MUC15: variants seen among roughly 807,000 people sequenced by gnomAD.
The protein encoded by MUC15 is mucin-15.
A neutral mutation model predicts 24.0 loss-of-function variants in MUC15; 23 were observed. That is an observed-to-expected ratio of 0.96 (90% CI 0.69 to 1.36). The LOEUF (loss-of-function observed/expected upper bound fraction) is 1.36. Among genes scored for constraint, MUC15 ranks in the 40% most tolerant of loss-of-function variants. The pLI is 0.00. For missense variants in MUC15, 442 were observed against 428.2 expected (o/e 1.03, Z -0.29); for synonymous variants, 151 against 156.3 (o/e 0.97, Z 0.25).
At chr11:26,568,467 C>T (rs1850684525) in intron 1 of MUC15, among the ~76,000 whole-genome samples, 1 of 68,556 alleles carries the variant, frequency 1.5e-5, no homozygotes, top group Admixed American at 1.5e-4. Flanking sequence ...CTTCTTCCTA[C>T]CATAGTTTTT....
chr11:26,565,263 G>A lies in MUC15; in HGVS notation c.677C>T (p.Thr226Ile). The change falls in exon 3 of 5, where the codon ACT becomes ATT. Residue 226 changes from threonine (T) to isoleucine (I), a missense_variant. Coordinates refer to ENST00000529533, the MANE Select transcript of MUC15 (RefSeq NM_001135091.2). ...TTTTTCTTGATAAGGGGTAAACCCA[G>A]TGAAGCTATCACTGTTTGTGGTAAG... ...GWLTTNSDSF[T>I]GFTPYQEKTT... 1 of 1,589,372 alleles carries A rather than the reference G, an allele frequency of 6.3e-7. No homozygotes were observed. Among genetic ancestry groups the A allele is most frequent in the Non-Finnish European group, 8.6e-7 (1 of 1,166,858 alleles).
intron 3 of MUC15, among the ~76,000 whole-genome samples, chr11:26,564,357 T>A (rs11029617): frequency 0.047 from 7,187 of 151,654 alleles, 212 homozygotes; most frequent in South Asian, 0.089. Flanking sequence ...GTATATATGA[T>A]TTGTTTTTTA....
Position 26,565,730 on chromosome 11 carries a change from T to G in MUC15, c.210A>C (p.Glu70Asp), listed in dbSNP as rs1312961225. ...QNIAEVFKTM[E>D]NKPISLESEA... ...CACTTTCCAAAGAAATAGGTTTATT[T>G]TCCATTGTTTTAAAAACTTCTGCAA... Residue 70 changes from glutamate to aspartate, a missense_variant, in exon 3 of 5, where the codon GAA becomes GAC. Physicochemically the swap from Glu to Asp is conservative, Grantham distance 45. Transcript: ENST00000529533. The G allele has an allele frequency of 6.2e-7, 1 of 1,605,936 alleles. No homozygotes were observed. Among genetic ancestry groups the G allele is most frequent in the Non-Finnish European group, 8.5e-7 (1 of 1,174,186 alleles).
rs1850528495 is a variant in MUC15, at chr11:26,565,375, C to A, written c.565G>T (p.Asp189Tyr). ...SLVNDTVKTPDNSSITVSILS... is the reference protein window; with the variant it reads ...SLVNDTVKTPYNSSITVSILS... Reference sequence around the variant, plus strand: ...ATGCTAACTGTAATGGAACTGTTATCAGGAGTTTTCACGGTGTCATTGACC... The same window carrying A: ...ATGCTAACTGTAATGGAACTGTTATAAGGAGTTTTCACGGTGTCATTGACC... Residue 189 changes from aspartate (D) to tyrosine (Y), a missense_variant, in exon 3 of 5, where the codon GAT (aspartate) becomes TAT (tyrosine). Coordinates refer to ENST00000529533, the MANE Select transcript of MUC15 (RefSeq NM_001135091.2). 6.2e-7 allele frequency: 1 copy of A among 1,613,034 alleles called. No homozygotes were observed. The highest frequency in any genetic ancestry group is 8.5e-7 in the Non-Finnish European group (1 of 1,179,430).
chr11:26,564,726 CACACACATATATATATATATAT>C (rs1352079320), intron 3 of MUC15, among the ~76,000 whole-genome samples: 106 of 49,306 alleles, frequency 2.1e-3, no homozygotes, highest in African/African-American at 7.8e-3. Flanking sequence ...CACACACACA[CACACACATATATATATATATAT>C]ATATATATAT....
chr11:26,563,067 T>C, intron 4 of MUC15, 49 bp downstream of exon 4: 1 of 1,591,508 alleles, frequency 6.3e-7, no homozygotes, highest in Non-Finnish European at 8.5e-7. Flanking sequence ...GGCATCCTCA[T>C]TTAATTAAAA....
chr11:26,566,262 A>T (rs902126440), intron 2 of MUC15, among the ~76,000 whole-genome samples: 16 of 152,022 alleles, frequency 1.1e-4, no homozygotes, highest in East Asian at 1.9e-4. Flanking sequence ...ATAACATTTT[A>T]AAAATATTGT....
intron 3 of MUC15, 25 bp from the exon 4 acceptor site, chr11:26,563,290 A>G: frequency 6.4e-7 from 1 of 1,564,030 alleles, no homozygotes; most frequent in Non-Finnish European, 8.6e-7. Flanking sequence ...AAATTTAAAG[A>G]AATATAAAAT....
intron 1 of MUC15, among the ~76,000 whole-genome samples, chr11:26,568,492 CT>C (rs1462883302): frequency 2.6e-5 from 4 of 151,346 alleles, no homozygotes; most frequent in African/African-American, 9.7e-5. Flanking sequence ...TTAATACAGC[CT>C]CTCCAAATTT....
At position 26,559,416 on chromosome 11, in the gene MUC15, C is replaced by G. The variant is rs1850193121; in HGVS notation, c.*1649G>C. ...AACTTTCATTAAGTAGTTTGACAAT[C>G]TGTGACCCACAAATACTTCCATAGA... is the stretch of plus-strand genomic sequence containing the variant. On this transcript the variant is annotated 3_prime_UTR_variant, in exon 5 of 5. Coordinates refer to ENST00000529533, the MANE Select transcript of MUC15 (RefSeq NM_001135091.2). 2 of 232,246 alleles carry G rather than the reference C, an allele frequency of 8.6e-6. No individual in the cohort carries two copies. The highest frequency in any genetic ancestry group is 1.1e-4 in the Admixed American group (2 of 18,452). 14.4% of individuals were successfully genotyped at this position (232,246 alleles called of 1,614,324 possible).
At position 26,565,457 on chromosome 11, in the gene MUC15, G is replaced by A; in HGVS notation, c.483C>T (p.Ile161=). Residue 161 remains isoleucine (I), a synonymous_variant, in exon 3 of 5, where the codon ATC becomes ATT. Transcript: ENST00000529533. ...CAGGTGTAGCATTGGGATGTGCTGA[G>A]ATGGGCAAAAGATCTTCATCTGCTA... ...APIADEDLLP[I]SAHPNATPAL... is the part of the protein sequence containing the mutation. The A allele has an allele frequency of 6.2e-7, 1 of 1,613,420 alleles. No homozygotes were observed. The highest frequency in any genetic ancestry group is 8.5e-7 in the Non-Finnish European group (1 of 1,179,554).
rs569918362 is a variant in MUC15, at chr11:26,567,129, A to G, written c.-35T>C. ...GAAGAAACTGAAGCTCACAATGGCT[A>G]GTAACAGAAGCTGGAAAATGGAAGA... On this transcript the variant is annotated 5_prime_UTR_variant, in exon 2 of 5. Coordinates refer to ENST00000529533, the MANE Select transcript of MUC15 (RefSeq NM_001135091.2). 4.9e-6 allele frequency: 7 copies of G among 1,432,824 alleles called. No individual in the cohort carries two copies. The highest frequency in any genetic ancestry group is 1.6e-5 in the South Asian group (1 of 61,268). The allele number at this position is 1,432,824 out of a possible 1,614,324, so 88.8% of individuals were successfully genotyped here. A position where few individuals can be genotyped will look rare whatever the true frequency, so the allele number is the denominator to read the frequency against.
At chr11:26,561,310 T>G in intron 4 of MUC15, 85 bp from the exon 5 acceptor site, 1 of 954,136 alleles carries the variant, frequency 1.0e-6, no homozygotes, top group Non-Finnish European at 1.5e-6. Context: ...TAGGAATTAT[T>G]CTAGATGAGA....
At position 26,559,835 on chromosome 11, in the gene MUC15, T is replaced by G; in HGVS notation, c.*1230A>C. On this transcript the variant is annotated 3_prime_UTR_variant, in exon 5 of 5. Transcript: ENST00000529533. ...TTATTTTCTGAAGCTGTTTCTGTGT[T>G]ACACACACACACACACACACACACA... is the stretch of plus-strand genomic sequence containing the variant. 2 of 660,906 alleles carry G rather than the reference T, an allele frequency of 3.0e-6. No individual in the cohort carries two copies. The highest frequency in any genetic ancestry group is 5.4e-6 in the Non-Finnish European group (2 of 369,182). The allele number at this position is 660,906 out of a possible 1,614,324, so 40.9% of individuals were successfully genotyped here. A position where few individuals can be genotyped will look rare whatever the true frequency, so the allele number is the denominator to read the frequency against.
In MUC15 at chr11:26,561,083, T is replaced by C; in HGVS notation, c.1068A>G (p.Pro356=). The C allele has an allele frequency of 6.2e-7, 1 of 1,611,258 alleles. No homozygotes were observed. The highest frequency in any genetic ancestry group is 8.5e-7 in the Non-Finnish European group (1 of 1,178,484). ...GTTAGTTCTATACAGAAGTACGAAG[T>C]GGAGGTATGTCATCCATAGGAATGC... is the stretch of plus-strand genomic sequence containing the variant. ...RDGIPMDDIP[P]LRTSV Residue 356 remains proline, a synonymous_variant, in exon 5 of 5, where the codon CCA becomes CCG. Coordinates refer to ENST00000529533, the MANE Select transcript of MUC15 (RefSeq NM_001135091.2).
chr11:26,561,959 C>G (rs1368365895), intron 4 of MUC15, among the ~76,000 whole-genome samples: 1 of 151,840 alleles, frequency 6.6e-6, no homozygotes, highest in Non-Finnish European at 1.5e-5. Context: ...ATTCCTGTAG[C>G]CATCTGTTTA....
At chr11:26,562,962 C>T in intron 4 of MUC15, 154 bp downstream of exon 4, 2 of 1,110,490 alleles carry the variant, frequency 1.8e-6, no homozygotes, top group Non-Finnish European at 2.4e-6. Context: ...TGGTTTTGTT[C>T]TTTGATAAAC....
rs1202256524 is a variant in MUC15 at position 26,565,717 on chromosome 11, A to G, written c.223T>C (p.Ser75Pro). Reference protein sequence around the residue: ...VFKTMENKPISLESEANLNSD... With the variant: ...VFKTMENKPIPLESEANLNSD... ...TTTAAGTTTGCTTCACTTTCCAAAG[A>G]AATAGGTTTATTTTCCATTGTTTTA... Residue 75 changes from serine (S) to proline (P), a missense_variant, in exon 3 of 5, where the codon TCT becomes CCT. Ser to Pro is a moderately conservative substitution (Grantham distance 74). Coordinates refer to ENST00000529533, the MANE Select transcript of MUC15 (RefSeq NM_001135091.2). The G allele has an allele frequency of 6.2e-7, 1 of 1,605,934 alleles. No individual in the cohort carries two copies. The highest frequency in any genetic ancestry group is 1.7e-5 in the Admixed American group (1 of 59,380).
At chr11:26,561,258 G>C in intron 4 of MUC15, 33 bp from the exon 5 acceptor site, 1 of 1,508,718 alleles carries the variant, frequency 6.6e-7, no homozygotes, top group Non-Finnish European at 8.9e-7. Context: ...CTGTTTCACA[G>C]TGATACTCTG....
Sources: gnomAD v4.1 joint callset for allele counts (sites outside exome capture counted in the v4.1 genomes callset) on GRCh38, gnomAD v4.1.1 for gene constraint, MANE v1.5 for transcripts, NCBI Gene and HGNC (gene_info 2026-07-23, HGNC 2026-07-21) for gene names.